GOLGA5: variants seen among roughly 807,000 people sequenced by gnomAD.
GOLGA5 encodes the protein golgin subfamily A member 5.
Under a neutral mutation model 93.5 loss-of-function variants are expected in GOLGA5, and 50 were observed. The ratio of observed to expected loss-of-function variants is 0.53; its 90% CI spans 0.43 to 0.68. The LOEUF is 0.68. Ranked by LOEUF, GOLGA5 falls within the 30% of genes least tolerant of loss-of-function variation. The pLI is 0.00. For synonymous variants in GOLGA5, 312 were observed against 304.5 expected, an observed-to-expected ratio of 1.02 and a Z score of -0.26; for missense variants, 760 against 856.4, an observed-to-expected ratio of 0.89 and a Z score of 1.40.
intron 10 of GOLGA5, among the ~76,000 whole-genome samples, chr14:92,835,139 T>A (rs1235537045): frequency 6.6e-6 from 1 of 151,982 alleles, no homozygotes; most frequent in Admixed American, 6.6e-5. Flanking sequence ...CCGTTAGATA[T>A]CTGGATGGAA....
At chr14:92,819,536 G>A (rs925659582) in intron 7 of GOLGA5, among the ~76,000 whole-genome samples, 172 bp from the exon 8 acceptor site, 4 of 152,048 alleles carry the variant, frequency 2.6e-5, no homozygotes, top group Admixed American at 2.6e-4. Flanking sequence ...GGAGGCTGAT[G>A]TGGGAGGATC....
At chr14:92,818,819 T>G (rs1885259776) in intron 7 of GOLGA5, among the ~76,000 whole-genome samples, 1 of 152,186 alleles carries the variant, frequency 6.6e-6, no homozygotes, top group Non-Finnish European at 1.5e-5. Flanking sequence ...CTTAATCCAT[T>G]TGGGGAAAAT....
At chr14:92,804,616 T>C (rs1884942304) in intron 2 of GOLGA5, among the ~76,000 whole-genome samples, 1 of 151,946 alleles carries the variant, frequency 6.6e-6, no homozygotes, top group Admixed American at 6.6e-5. Flanking sequence ...AAAGCAAATG[T>C]TCACACCATT....
intron 6 of GOLGA5, among the ~76,000 whole-genome samples, chr14:92,814,121 A>G (rs980613975): frequency 6.6e-6 from 1 of 152,182 alleles, no homozygotes; most frequent in Non-Finnish European, 1.5e-5. Context: ...AATGTTAGAA[A>G]GGTAATTAGA....
rs976312333 is a variant in GOLGA5 at position 92,810,263 on chromosome 14, G to A, written c.1002G>A (p.Gln334=). The change falls in exon 5 of 13, where the codon CAG becomes CAA. Residue 334 remains glutamine (Q), a synonymous_variant. Coordinates refer to ENST00000163416, the MANE Select transcript of GOLGA5 (RefSeq NM_005113.4). ...ATGCATTTTCCTTTAGAATAATGCA[G>A]GATCAAAGTGAAGGTAACAGCCTGC... ...ALQSEKSRIM[Q]DQSEGNSLQN... 1 of 1,602,514 alleles carries A rather than the reference G, an allele frequency of 6.2e-7. No individual in the cohort carries two copies. The highest frequency in any genetic ancestry group is 1.7e-5 in the Admixed American group (1 of 58,528).
rs747007821 is a variant in GOLGA5, at chr14:92,839,377, C to G, written c.2127C>G (p.His709Gln). The G allele has an allele frequency of 6.2e-7, 1 of 1,611,998 alleles. No homozygotes were observed. The highest frequency in any genetic ancestry group is 1.7e-5 in the Admixed American group (1 of 60,020). Residue 709 changes from histidine to glutamine, a missense_variant, in exon 13 of 13, where the codon CAC becomes CAG. His to Gln is a conservative substitution (Grantham distance 24, BLOSUM62 0). Transcript: ENST00000163416. ...TTTTCTTTCTCTAGGCTTTGCTTCA[C>G]CTCTGGGTCATGATTGTTCTGTTGA... ...VFVIIYMALLHLWVMIVLLTY... is the reference protein window; with the variant it reads ...VFVIIYMALLQLWVMIVLLTY...
chr14:92,805,436 A>C (rs1884964463), intron 2 of GOLGA5, among the ~76,000 whole-genome samples: 1 of 152,226 alleles, frequency 6.6e-6, no homozygotes, highest in African/African-American at 2.4e-5. Flanking sequence ...TATTGTGAAT[A>C]AAACTGCTAT....
chr14:92,831,231 C>T (rs1885524352), intron 9 of GOLGA5, among the ~76,000 whole-genome samples: 1 of 152,202 alleles, frequency 6.6e-6, no homozygotes, highest in Admixed American at 6.5e-5. Flanking sequence ...TAACGTACAT[C>T]TAACCTGTGA....
intron 5 of GOLGA5, 45 bp downstream of exon 5, chr14:92,810,422 A>G: frequency 1.4e-6 from 2 of 1,437,256 alleles, no homozygotes; most frequent in Non-Finnish European, 9.3e-7. Flanking sequence ...TTGGACACGG[A>G]AAAAATGACT....
intron 10 of GOLGA5, 32 bp from the exon 11 acceptor site, chr14:92,835,527 C>T: frequency 2.2e-6 from 3 of 1,386,302 alleles, no homozygotes; most frequent in Non-Finnish European, 3.1e-6. Context: ...ATTTTTATGT[C>T]AGTACACTAA....
At chr14:92,839,261 G>A (rs2140340986) in intron 12 of GOLGA5, 105 bp from the exon 13 acceptor site, 1 of 710,916 alleles carries the variant, frequency 1.4e-6, no homozygotes, top group Non-Finnish European at 2.6e-6. Context: ...GTCCCATAGG[G>A]GATACAGAGG....
chr14:92,823,534 C>A (rs1885356896), intron 8 of GOLGA5, among the ~76,000 whole-genome samples: 1 of 151,716 alleles, frequency 6.6e-6, no homozygotes, highest in South Asian at 2.1e-4. Flanking sequence ...CCCACGTCAA[C>A]CTCCTGAGTA....
At chr14:92,831,971 G>C (rs1885540391) in intron 9 of GOLGA5, among the ~76,000 whole-genome samples, 1 of 152,160 alleles carries the variant, frequency 6.6e-6, no homozygotes, top group Non-Finnish European at 1.5e-5. Context: ...TCAGAGCTGG[G>C]GTTTTAAACT....
chr14:92,829,583 A>G (rs569274953), intron 9 of GOLGA5, among the ~76,000 whole-genome samples: 10 of 152,320 alleles, frequency 6.6e-5, no homozygotes, highest in African/African-American at 2.4e-4. Context: ...CTGCAATCTC[A>G]TAATAAAACT....
Position 92,837,408 on chromosome 14 carries a change from C to T in GOLGA5, c.2074C>T (p.Arg692Ter), listed in dbSNP as rs1310378358. 6 of 1,549,990 alleles carry T rather than the reference C, an allele frequency of 3.9e-6. No homozygotes were observed. The highest frequency in any genetic ancestry group is 2.2e-5 in the East Asian group (1 of 44,542). The change falls in exon 12 of 13, where the codon CGA becomes TGA. Residue 692 changes from arginine (R) to a stop codon, truncating the protein, a stop_gained. Coordinates refer to ENST00000163416, the MANE Select transcript of GOLGA5 (RefSeq NM_005113.4). LOFTEE classifies it high-confidence loss of function. ...CAGTATTCGCCTGGGAATTTTTCTC[C>T]GAAGATACCCCATAGCGCGAGTTTT... is the stretch of plus-strand genomic sequence containing the variant. ...QFSIRLGIFL[R>*]RYPIARVFVI...
At chr14:92,815,699 CTTTTTTTT>C (rs571410551) in intron 6 of GOLGA5, among the ~76,000 whole-genome samples, 5 of 91,244 alleles carry the variant, frequency 5.5e-5, no homozygotes, top group Admixed American at 2.6e-4. Flanking sequence ...TTTTTTTAAT[CTTTTTTTT>C]TTTTTTTTTT....
chr14:92,811,913 C>T (rs1405539126), intron 6 of GOLGA5, among the ~76,000 whole-genome samples, 159 bp downstream of exon 6: 1 of 145,958 alleles, frequency 6.9e-6, no homozygotes, highest in African/African-American at 2.6e-5. Context: ...TTAAAGGATG[C>T]AGTGTTTCTT....
Position 92,797,847 on chromosome 14 carries a change from G to A in GOLGA5, c.410G>A (p.Arg137Lys). ...LNSSQKEPTG[R>K]VEIRKEKGKT... Reference sequence around the variant, plus strand: ...AGTTCACAGAAGGAGCCTACCGGGAGGGTGGAAATCAGAAAGGAAAAAGGC... The same window carrying A: ...AGTTCACAGAAGGAGCCTACCGGGAAGGTGGAAATCAGAAAGGAAAAAGGC... The change falls in exon 2 of 13, where the codon AGG becomes AAG. Residue 137 changes from arginine to lysine, a missense_variant. Coordinates refer to ENST00000163416, the MANE Select transcript of GOLGA5 (RefSeq NM_005113.4). The A allele has an allele frequency of 6.2e-7, 1 of 1,614,034 alleles. No homozygotes were observed. Among genetic ancestry groups the A allele is most frequent in the Non-Finnish European group, 8.5e-7 (1 of 1,179,924 alleles).
chr14:92,804,805 G>A (rs893016123), intron 2 of GOLGA5, among the ~76,000 whole-genome samples: 2 of 123,652 alleles, frequency 1.6e-5, no homozygotes, highest in South Asian at 3.0e-4. Flanking sequence ...ACAGGCACCC[G>A]CCACCATGCC....
Sources: allele counts gnomAD v4.1 joint callset (sites outside exome capture counted in the v4.1 genomes callset), GRCh38; gene constraint gnomAD v4.1.1; transcripts MANE v1.5; gene names NCBI Gene and HGNC (gene_info 2026-07-23, HGNC 2026-07-21).